DCC: variants seen among roughly 807,000 people sequenced by gnomAD.
DCC encodes the protein netrin receptor DCC.
Under a neutral mutation model 172.5 loss-of-function variants are expected in DCC, and 58 were observed. The observed-to-expected ratio is 0.34, with a 90% confidence interval of 0.27 to 0.42. The LOEUF is 0.42. Ranked by LOEUF, DCC falls within the 10% of genes least tolerant of loss-of-function variation. The pLI, the probability that DCC is intolerant of heterozygous loss-of-function variation, is 1.00. For synonymous variants in DCC, 709 were observed against 644.5 expected (o/e 1.10, Z -1.52); for missense variants, 1,740 against 1,791.0 (o/e 0.97, Z 0.51).
chr18:52,851,743 T>A (rs2038977731), intron 2 of DCC, among the ~76,000 whole-genome samples: 1 of 152,098 alleles, frequency 6.6e-6, no homozygotes, highest in South Asian at 2.1e-4. Flanking sequence ...ATCTGAAATA[T>A]AATTATTGAG....
At chr18:52,818,568 G>A (rs571866637) in intron 2 of DCC, among the ~76,000 whole-genome samples, 7 of 152,044 alleles carry the variant, frequency 4.6e-5, no homozygotes, top group Non-Finnish European at 7.4e-5. Flanking sequence ...GATGCAAATG[G>A]CCTGCTCTGG....
At position 53,063,281 on chromosome 18, in the gene DCC, A is replaced by C. The variant is rs758792954; in HGVS notation, c.986-24A>C. On this transcript the variant is annotated intron_variant, in intron 5 of 28. Coordinates refer to ENST00000442544, the MANE Select transcript of DCC (RefSeq NM_005215.4). ...AGTTCACATCCCCACCCACTCACTC[A>C]CTTTTTTTTTTCTGTCTTTGCAGTT... is the stretch of plus-strand genomic sequence containing the variant. 17 of 1,607,680 alleles carry C rather than the reference A, an allele frequency of 1.1e-5. No individual in the cohort carries two copies. The African/African-American group carries it at 2.1e-4, about 20-fold the overall frequency.
rs140493952 is a variant in DCC at position 52,537,164 on chromosome 18, T to C, written c.91+196286T>C. Reference sequence around the variant, plus strand: ...TCCTTATCTTATCATGAGTAAAACATCTCACATCTAGAGGACAAACAGAAA... The same window carrying C: ...TCCTTATCTTATCATGAGTAAAACACCTCACATCTAGAGGACAAACAGAAA... On this transcript the variant is annotated intron_variant, in intron 1 of 28. Coordinates refer to ENST00000442544, the MANE Select transcript of DCC (RefSeq NM_005215.4). Among the ~76,000 whole-genome samples, 101 of 152,302 alleles carry C rather than the reference T, an allele frequency of 6.6e-4. No homozygotes were observed. The East Asian group carries it at 0.013, about 19-fold the overall frequency.
At chr18:52,868,914 C>T (rs1183134356) in intron 2 of DCC, among the ~76,000 whole-genome samples, 3 of 152,216 alleles carry the variant, frequency 2.0e-5, no homozygotes, top group Non-Finnish European at 4.4e-5. Flanking sequence ...CGGTACTCTG[C>T]AAGGCTGCAG....
chr18:53,457,009 A>G (rs1442842629), intron 23 of DCC, among the ~76,000 whole-genome samples: 1 of 152,250 alleles, frequency 6.6e-6, no homozygotes, highest in Admixed American at 6.5e-5. Context: ...AAGAGATACG[A>G]TAGGAAATAA....
chr18:52,722,658 C>T lies in DCC; in HGVS notation c.92-29396C>T, dbSNP rs574296686. On this transcript the variant is annotated intron_variant, in intron 1 of 28. Coordinates refer to ENST00000442544, the MANE Select transcript of DCC (RefSeq NM_005215.4). ...ATAAATGTCCTCCCAATTGTTCAGACGCATCTGTCCATTTCTTCTTTTTGA... is the reference window on the plus strand; with the variant it reads ...ATAAATGTCCTCCCAATTGTTCAGATGCATCTGTCCATTTCTTCTTTTTGA... 6.8e-4 allele frequency among the ~76,000 whole-genome samples: 104 copies of T among 152,212 alleles called. 1 individual carries two copies. The highest frequency in any genetic ancestry group is 1.4e-3 in the South Asian group (7 of 4,832).
chr18:53,101,827 ATTTGTG>A (rs201344095), intron 7 of DCC, among the ~76,000 whole-genome samples: 3 of 136,214 alleles, frequency 2.2e-5, no homozygotes, highest in African/African-American at 8.8e-5. Flanking sequence ...GTGTGTGTGT[ATTTGTG>A]TGTGTGTGCG....
intron 1 of DCC, among the ~76,000 whole-genome samples, chr18:52,503,580 C>T (rs541922094): frequency 9.9e-4 from 151 of 152,290 alleles, no homozygotes; most frequent in Middle Eastern, 3.4e-3. Context: ...GTTCTGGTGA[C>T]AGAATTCTCT....
At chr18:52,836,746 A>G (rs2038712974) in intron 2 of DCC, among the ~76,000 whole-genome samples, 1 of 152,116 alleles carries the variant, frequency 6.6e-6, no homozygotes, top group African/African-American at 2.4e-5. Context: ...TTCCAGGTGC[A>G]CAGTGCATGC....
chr18:53,504,062 T>G (rs1395399673), intron 27 of DCC, among the ~76,000 whole-genome samples: 1 of 152,096 alleles, frequency 6.6e-6, no homozygotes, highest in East Asian at 1.9e-4. Context: ...GGGGTGGAGG[T>G]GGCTGACAGT....
At chr18:52,556,178 G>A (rs2032909162) in intron 1 of DCC, among the ~76,000 whole-genome samples, 1 of 152,092 alleles carries the variant, frequency 6.6e-6, no homozygotes, top group African/African-American at 2.4e-5. Flanking sequence ...TCGCTACCTT[G>A]GCTAGAATAT....
chr18:53,521,021 C>T (rs972519070), intron 27 of DCC, among the ~76,000 whole-genome samples: 2 of 152,036 alleles, frequency 1.3e-5, no homozygotes, highest in African/African-American at 2.4e-5. Context: ...CTCCAGGGAC[C>T]TCAGTATTCT....
intron 7 of DCC, among the ~76,000 whole-genome samples, chr18:53,105,792 T>G (rs1322166935): frequency 6.6e-6 from 1 of 151,770 alleles, no homozygotes; most frequent in East Asian, 1.9e-4. Context: ...TATTTTCTTA[T>G]CAGTCTCTGA....
At chr18:52,580,822 T>C (rs2033527388) in intron 1 of DCC, among the ~76,000 whole-genome samples, 1 of 152,200 alleles carries the variant, frequency 6.6e-6, no homozygotes, top group African/African-American at 2.4e-5. Context: ...ACTATCCCCA[T>C]TTTTCAGATG....
In DCC at chr18:53,505,635, T is replaced by TTAAAG. The variant is rs145682573; in HGVS notation, c.4111+6128_4111+6132dup. 5.8e-3 allele frequency among the ~76,000 whole-genome samples: 881 copies of TTAAAG among 152,264 alleles called. 8 individuals carry two copies. The highest frequency in any genetic ancestry group is 0.019 in the African/African-American group (772 of 41,516). On this transcript the variant is annotated intron_variant, in intron 27 of 28. Coordinates refer to ENST00000442544, the MANE Select transcript of DCC (RefSeq NM_005215.4). ...AACCTAATACAATGAAACTCTGAGG[T>TTAAAG]TAAAGTATTCAGTGGCCATCCAGAT... is the stretch of plus-strand genomic sequence containing the variant.
At chr18:52,926,145 A>G (rs114232481) in intron 5 of DCC, among the ~76,000 whole-genome samples, 2,283 of 152,050 alleles carry the variant, frequency 0.015, 42 homozygotes, top group African/African-American at 0.039. Flanking sequence ...TCTGGAATAA[A>G]TCTTTTTGCC....
chr18:52,340,530 C>A lies in DCC; in HGVS notation c.-258C>A, dbSNP rs1983578314. On this transcript the variant is annotated 5_prime_UTR_variant, in exon 1 of 29. Transcript: ENST00000442544. Reference sequence around the variant, plus strand: ...TTAGTTTTCTAAGGTTTTACCGGGGCTCGGGATCTCTTGGACCGAATGGAA... The same window carrying A: ...TTAGTTTTCTAAGGTTTTACCGGGGATCGGGATCTCTTGGACCGAATGGAA... 3 of 568,400 alleles carry A rather than the reference C, an allele frequency of 5.3e-6. No individual in the cohort carries two copies. Among genetic ancestry groups the A allele is most frequent in the Admixed American group, 3.0e-5 (1 of 33,194 alleles). The allele number at this position is 568,400 out of a possible 1,614,324, so 35.2% of individuals were successfully genotyped here.
At chr18:52,427,818 TCC>T (rs1491284089) in intron 1 of DCC, among the ~76,000 whole-genome samples, 1 of 91,280 alleles carries the variant, frequency 1.1e-5, no homozygotes, top group Admixed American at 1.4e-4. Flanking sequence ...CTTCCTTTCT[TCC>T]TTCCTTCCTT....
chr18:53,301,236 T>A (rs2057137460), intron 12 of DCC, among the ~76,000 whole-genome samples: 1 of 151,710 alleles, frequency 6.6e-6, no homozygotes, highest in Non-Finnish European at 1.5e-5. Context: ...ATTACAGGCA[T>A]GCGCTACCAC....
Sources: allele counts gnomAD v4.1 joint callset (sites outside exome capture counted in the v4.1 genomes callset), GRCh38; gene constraint gnomAD v4.1.1; transcripts MANE v1.5; gene names NCBI Gene and HGNC (gene_info 2026-07-23, HGNC 2026-07-21).